The following RAB38 variants were observed in gnomAD, a reference collection of about 807,000 sequenced individuals.
RAB38 encodes RAB38, member RAS oncogene family.
In RAB38, 15 loss-of-function variants were observed where a neutral mutation model predicts 18.4. The ratio of observed to expected loss-of-function variants is 0.82; its 90% CI spans 0.55 to 1.26. The LOEUF (loss-of-function observed/expected upper bound fraction) is 1.26, where lower values mean the gene tolerates loss of function less well. Ranked by LOEUF, RAB38 falls within the 50% of genes most tolerant of loss-of-function variation. The probability of loss-of-function intolerance (pLI) is 0.00; values close to 1 mark genes in which losing one functional copy is unlikely to be tolerated. For missense variants in RAB38, 294 were observed against 267.4 expected, an observed-to-expected ratio of 1.10 and a Z score of -0.69; for synonymous variants, 101 against 104.4, an observed-to-expected ratio of 0.97 and a Z score of 0.20.
chr11:88,130,010 C>A (rs1942747659), intron 2 of RAB38, among the ~76,000 whole-genome samples: 1 of 151,732 alleles, frequency 6.6e-6, no homozygotes, highest in Non-Finnish European at 1.5e-5. Context: ...GCCTTTGAAG[C>A]CCAGAAAATA....
At chr11:88,099,121 A>C in the RAB38 span, among the ~76,000 whole-genome samples, 1 of 151,972 alleles carries the variant, frequency 6.6e-6, no homozygotes, top group Non-Finnish European at 1.5e-5. Context: ...TGTTTTAAAA[A>C]TTATTAAAAA....
chr11:88,150,041 C>T lies in RAB38; in HGVS notation c.203-86G>A, dbSNP rs1943045742. ...AACTTCATGAAGCCTCCAAGATGAG[C>T]AAGTCAATCAGTAAAGTGCTTCGTC... is the stretch of plus-strand genomic sequence containing the variant. On this transcript the variant is annotated intron_variant, in intron 1 of 2. Transcript: ENST00000243662. 4 of 1,367,116 alleles carry T rather than the reference C, an allele frequency of 2.9e-6. No homozygotes were observed. The South Asian group carries it at 5.6e-5, about 19-fold the overall frequency. The allele number at this position is 1,367,116 out of a possible 1,614,324, so 84.7% of individuals were successfully genotyped here.
the RAB38 span, among the ~76,000 whole-genome samples, chr11:87,859,174 T>G: frequency 1.3e-5 from 2 of 151,732 alleles, no homozygotes; most frequent in African/African-American, 2.4e-5. Context: ...AATAAAATTT[T>G]AAAAATAGGA....
Position 88,175,374 on chromosome 11 carries a change from G to C in RAB38, c.11C>G (p.Pro4Arg), listed in dbSNP as rs1220806006. The C allele has an allele frequency of 4.3e-6, 7 of 1,614,112 alleles. No homozygotes were observed. Among genetic ancestry groups the C allele is most frequent in the South Asian group, 2.2e-5 (2 of 91,088 alleles). Residue 4 changes from proline (P) to arginine (R), a missense_variant, in exon 1 of 3, where the codon CCG becomes CGG. Coordinates refer to ENST00000243662, the MANE Select transcript of RAB38 (RefSeq NM_022337.3). ...CAACTTGTACAGGTGCTCCTTGTGC[G>C]GGGCCTGCATCCTGGCGGCCGGCCA... The part of the protein sequence containing the change: MQA[P>R]HKEHLYKLLV...
chr11:88,057,347 C>T, the RAB38 span, among the ~76,000 whole-genome samples: 17 of 152,166 alleles, frequency 1.1e-4, no homozygotes, highest in South Asian at 3.5e-3. Context: ...TACATGAAGG[C>T]AAGAGCATGG....
At chr11:88,090,649 A>T in the RAB38 span, among the ~76,000 whole-genome samples, 1 of 152,012 alleles carries the variant, frequency 6.6e-6, no homozygotes, top group Admixed American at 6.6e-5. Context: ...AGAAAAGGCA[A>T]GACTAAGATT....
chr11:87,839,593 G>T, the RAB38 span, among the ~76,000 whole-genome samples: 1 of 152,148 alleles, frequency 6.6e-6, no homozygotes, highest in African/African-American at 2.4e-5. Flanking sequence ...AAGTTACTTT[G>T]TAACACATCA....
At chr11:87,858,624 C>T in the RAB38 span, among the ~76,000 whole-genome samples, 3 of 151,856 alleles carry the variant, frequency 2.0e-5, no homozygotes, top group Non-Finnish European at 4.4e-5. Context: ...ATCTCAAATG[C>T]CATTGTATTA....
the RAB38 span, among the ~76,000 whole-genome samples, chr11:87,943,471 T>C: frequency 3.5e-4 from 53 of 152,210 alleles, no homozygotes; most frequent in Non-Finnish European, 6.6e-4. Context: ...CAAAGATACA[T>C]AGAGGTCTGC....
At chr11:87,880,448 C>T in the RAB38 span, among the ~76,000 whole-genome samples, 2 of 151,820 alleles carry the variant, frequency 1.3e-5, no homozygotes, top group Admixed American at 1.3e-4. Context: ...CTCCAAGTTA[C>T]AGCTTATAGA....
At chr11:88,021,042 T>C in the RAB38 span, among the ~76,000 whole-genome samples, 1 of 151,846 alleles carries the variant, frequency 6.6e-6, no homozygotes, top group East Asian at 1.9e-4. Context: ...CTTAAAGAAC[T>C]AGAAAACCAA....
chr11:88,040,346 C>T, the RAB38 span, among the ~76,000 whole-genome samples: 1 of 152,158 alleles, frequency 6.6e-6, no homozygotes, highest in Non-Finnish European at 1.5e-5. Flanking sequence ...ATATCCTCCT[C>T]TTCTAAAGTC....
chr11:87,941,212 G>GATATAT, the RAB38 span, among the ~76,000 whole-genome samples: 875 of 37,642 alleles, frequency 0.023, 81 homozygotes, highest in East Asian at 0.063. Flanking sequence ...ATAAATATAT[G>GATATAT]AGATATATAT....
chr11:87,819,091 G>C, the RAB38 span, among the ~76,000 whole-genome samples: 1 of 152,186 alleles, frequency 6.6e-6, no homozygotes. Context: ...TCAGGTTTGC[G>C]GATTTCTGTT....
chr11:87,944,960 T>C, the RAB38 span, among the ~76,000 whole-genome samples: 1 of 152,138 alleles, frequency 6.6e-6, no homozygotes. Context: ...ATTTAAACCT[T>C]TGTTTTCTGT....
the RAB38 span, among the ~76,000 whole-genome samples, chr11:87,888,272 G>A: frequency 6.6e-6 from 1 of 151,938 alleles, no homozygotes; most frequent in Non-Finnish European, 1.5e-5. Context: ...GCTAATAGCA[G>A]TTGTAAAATA....
chr11:87,825,845 T>C, the RAB38 span, among the ~76,000 whole-genome samples: 1 of 152,164 alleles, frequency 6.6e-6, no homozygotes, highest in Non-Finnish European at 1.5e-5. Flanking sequence ...AGGGACATCA[T>C]TTTTAAACAA....
intron 2 of RAB38, among the ~76,000 whole-genome samples, chr11:88,145,558 T>C (rs1013049989): frequency 6.6e-6 from 1 of 152,128 alleles, no homozygotes; most frequent in Non-Finnish European, 1.5e-5. Context: ...ACCAAGAATG[T>C]ACCAGGTAAT....
chr11:87,852,353 C>G, the RAB38 span, among the ~76,000 whole-genome samples: 1 of 152,170 alleles, frequency 6.6e-6, no homozygotes, highest in Admixed American at 6.6e-5. Flanking sequence ...TACGTAAGTC[C>G]TGAACCCCAT....
Sources: allele counts gnomAD v4.1 joint callset (sites outside exome capture counted in the v4.1 genomes callset), GRCh38; gene constraint gnomAD v4.1.1; transcripts MANE v1.5; gene names NCBI Gene and HGNC (gene_info 2026-07-23, HGNC 2026-07-21).